KCNIP3: variants seen among roughly 807,000 people sequenced by gnomAD.
The protein encoded by KCNIP3 is potassium voltage-gated channel interacting protein 3, also known as calsenilin.
In KCNIP3, 28 loss-of-function variants were observed where a neutral mutation model predicts 35.0. The ratio of observed to expected loss-of-function variants is 0.80; its 90% CI spans 0.59 to 1.10. The LOEUF (loss-of-function observed/expected upper bound fraction) is 1.10. Among genes scored for constraint, KCNIP3 ranks in the 50% least tolerant of loss-of-function variants. KCNIP3 has a pLI of 0.00. For synonymous variants in KCNIP3, 134 were observed against 133.8 expected, an observed-to-expected ratio of 1.00 and a Z score of -0.01; for missense variants, 295 against 338.4, an observed-to-expected ratio of 0.87 and a Z score of 1.01.
chr2:95,317,639 C>A lies in KCNIP3; in HGVS notation c.181+7119C>A, dbSNP rs572184274. Among the ~76,000 whole-genome samples, 29 of 152,226 alleles carry A rather than the reference C, an allele frequency of 1.9e-4. 2 individuals carry two copies. The South Asian group carries it at 6.0e-3, about 32-fold the overall frequency. On this transcript the variant is annotated intron_variant, in intron 2 of 8. Coordinates refer to ENST00000295225, the MANE Select transcript of KCNIP3 (RefSeq NM_013434.5). ...CAAGACACTGGGGACAAGCTGAGAC[C>A]AAGAGGAGAGACGCTGCTTTTGAGA...
chr2:95,321,065 C>A (rs965343592), intron 2 of KCNIP3, among the ~76,000 whole-genome samples: 5 of 139,420 alleles, frequency 3.6e-5, no homozygotes, highest in Non-Finnish European at 3.1e-5. Context: ...ACACCCCAAG[C>A]CTCTCCTCCC....
intron 2 of KCNIP3, among the ~76,000 whole-genome samples, chr2:95,324,502 G>A (rs1184237331): frequency 8.8e-6 from 1 of 113,456 alleles, no homozygotes; most frequent in East Asian, 2.3e-4. Context: ...GACAGAGCGA[G>A]ACTCCGTCTC....
chr2:95,306,039 G>A (rs962055145), intron 1 of KCNIP3, among the ~76,000 whole-genome samples: 4 of 152,218 alleles, frequency 2.6e-5, no homozygotes, highest in East Asian at 1.9e-4. Context: ...CTGTGGTAGC[G>A]CATGCCTAGT....
At chr2:95,339,447 G>T (rs1679139306) in intron 2 of KCNIP3, among the ~76,000 whole-genome samples, 1 of 152,140 alleles carries the variant, frequency 6.6e-6, no homozygotes, top group South Asian at 2.1e-4. Flanking sequence ...AGCTGGGCAT[G>T]GTGGTGCATG....
intron 2 of KCNIP3, among the ~76,000 whole-genome samples, chr2:95,351,270 A>G (rs1337697729): frequency 6.6e-6 from 1 of 152,264 alleles, no homozygotes; most frequent in East Asian, 1.9e-4. Flanking sequence ...AGAGGAGTGA[A>G]GTGGCTTTGC....
chr2:95,347,015 T>G (rs1679390681), intron 2 of KCNIP3: 1 of 1,602,196 alleles, frequency 6.2e-7, no homozygotes, highest in Non-Finnish European at 8.5e-7. Context: ...GCAGCCCGGC[T>G]TGCCATGGGC....
intron 2 of KCNIP3, among the ~76,000 whole-genome samples, chr2:95,367,788 T>TCG (rs1234329422): frequency 7.0e-6 from 1 of 142,674 alleles, no homozygotes; most frequent in East Asian, 2.1e-4. Flanking sequence ...TGAGATGGAG[T>TCG]CTCGCTCTTG....
At chr2:95,352,751 G>T in intron 2 of KCNIP3, among the ~76,000 whole-genome samples, 1 of 151,988 alleles carries the variant, frequency 6.6e-6, no homozygotes, top group African/African-American at 2.4e-5. Flanking sequence ...ACATCCTGTT[G>T]CCAGTTAGGG....
intron 2 of KCNIP3, among the ~76,000 whole-genome samples, chr2:95,342,854 A>G (rs1679230119): frequency 6.6e-6 from 1 of 152,058 alleles, no homozygotes; most frequent in African/African-American, 2.4e-5. Context: ...GATTGAGCCA[A>G]CCTCCAAAGT....
Position 95,381,713 on chromosome 2 carries a change from G to A in KCNIP3, c.555+10G>A. On this transcript the variant is annotated intron_variant, in intron 6 of 8. Transcript: ENST00000295225. ...CTACATCACCAAAGAGGTAGTAGGG[G>A]GCTGGGGGCAGGGATTGTCCCCTCC... 1.3e-6 allele frequency: 2 copies of A among 1,587,746 alleles called. No homozygotes were observed. The highest frequency in any genetic ancestry group is 1.7e-6 in the Non-Finnish European group (2 of 1,156,936).
At chr2:95,309,196 C>A (rs2104208014) in intron 1 of KCNIP3, among the ~76,000 whole-genome samples, 1 of 152,324 alleles carries the variant, frequency 6.6e-6, no homozygotes, top group African/African-American at 2.4e-5. Context: ...GCAAACTAGA[C>A]CCAGCAGGTG....
intron 2 of KCNIP3, among the ~76,000 whole-genome samples, chr2:95,326,349 CAT>C (rs1211179369): frequency 3.9e-4 from 60 of 152,152 alleles, no homozygotes; most frequent in Non-Finnish European, 8.8e-5. Flanking sequence ...CATGTGCACA[CAT>C]AAACACACAC....
chr2:95,341,553 C>T (rs184441111), intron 2 of KCNIP3, among the ~76,000 whole-genome samples: 53 of 152,272 alleles, frequency 3.5e-4, no homozygotes, highest in Non-Finnish European at 6.2e-4. Context: ...GTCCCTCTTG[C>T]GTGTCTTGAG....
intron 5 of KCNIP3, 150 bp downstream of exon 5, chr2:95,375,358 C>G (rs2104301091): frequency 1.4e-6 from 1 of 724,826 alleles, no homozygotes; most frequent in East Asian, 2.7e-5. Context: ...GTGGATGTGG[C>G]TGGCCCTGGG....
At chr2:95,341,496 T>G (rs1679193700) in intron 2 of KCNIP3, among the ~76,000 whole-genome samples, 1 of 152,194 alleles carries the variant, frequency 6.6e-6, no homozygotes, top group Non-Finnish European at 1.5e-5. Context: ...TTGGTGTCAT[T>G]TCGTAGGTTG....
In KCNIP3 at chr2:95,381,481, T is replaced by C; in HGVS notation, c.448-115T>C. On this transcript the variant is annotated intron_variant, in intron 5 of 8. Transcript: ENST00000295225. ...ACCTGAATGGATGCCGTCAGTCTCT[T>C]AGGGAGGCTCTGTGCCTGTTGGAGG... is the stretch of plus-strand genomic sequence containing the variant. 3 of 720,654 alleles carry C rather than the reference T, an allele frequency of 4.2e-6. No individual in the cohort carries two copies. The South Asian group carries it at 5.0e-5, about 12-fold the overall frequency. The allele number at this position is 720,654 out of a possible 1,614,324, so 44.6% of individuals were successfully genotyped here. A position where few individuals can be genotyped will look rare whatever the true frequency, so the allele number is the denominator to read the frequency against.
chr2:95,353,303 A>T (rs1333911063), intron 2 of KCNIP3, among the ~76,000 whole-genome samples: 1 of 152,228 alleles, frequency 6.6e-6, no homozygotes. Flanking sequence ...GAGGAAGAGC[A>T]GCTGACACCA....
intron 5 of KCNIP3, 106 bp from the exon 6 acceptor site, chr2:95,381,490 T>G: frequency 2.6e-6 from 2 of 764,422 alleles, no homozygotes; most frequent in Non-Finnish European, 4.6e-6. Flanking sequence ...TTAGGGAGGC[T>G]CTGTGCCTGT....
intron 2 of KCNIP3, among the ~76,000 whole-genome samples, chr2:95,365,580 A>G (rs866027642): frequency 3.9e-4 from 60 of 152,214 alleles, no homozygotes; most frequent in African/African-American, 1.4e-3. Flanking sequence ...GAGGAGAGGA[A>G]GTGAAGGCAG....
Sources: allele counts gnomAD v4.1 joint callset (sites outside exome capture counted in the v4.1 genomes callset), GRCh38; gene constraint gnomAD v4.1.1; transcripts MANE v1.5; gene names NCBI Gene and HGNC (gene_info 2026-07-23, HGNC 2026-07-21).